Variants in TRAPPC9 observed in about 807,000 individuals in gnomAD.
TRAPPC9 encodes the protein IKK2 binding protein.
Under a neutral mutation model 124.0 loss-of-function variants are expected in TRAPPC9, and 83 were observed. The ratio of observed to expected loss-of-function variants is 0.67; its 90% CI spans 0.56 to 0.80. The LOEUF (loss-of-function observed/expected upper bound fraction) is 0.80. TRAPPC9 is among the 30% of genes least tolerant of loss of function. The pLI is 0.00. For missense variants in TRAPPC9, 1,302 were observed against 1,508.3 expected (o/e 0.86, Z 2.27); for synonymous variants, 638 against 617.5 (o/e 1.03, Z -0.49).
At chr8:139,909,373 C>T (rs769013978) in intron 20 of TRAPPC9, among the ~76,000 whole-genome samples, 1 of 152,186 alleles carries the variant, frequency 6.6e-6, no homozygotes, top group Non-Finnish European at 1.5e-5. Context: ...TGCCCCCACC[C>T]AGTGGCCTCT....
At chr8:140,317,946 C>A (rs2066483634) in intron 9 of TRAPPC9, among the ~76,000 whole-genome samples, 1 of 152,076 alleles carries the variant, frequency 6.6e-6, no homozygotes, top group Non-Finnish European at 1.5e-5. Flanking sequence ...CAACCCTGGA[C>A]ATTTGATTAT....
intron 17 of TRAPPC9, among the ~76,000 whole-genome samples, chr8:140,029,065 A>C (rs573466138): frequency 6.6e-6 from 1 of 152,348 alleles, no homozygotes; most frequent in Admixed American, 6.5e-5. Flanking sequence ...ACAACCATTA[A>C]AAGGACAATC....
intron 10 of TRAPPC9, among the ~76,000 whole-genome samples, chr8:140,304,493 C>CT (rs1330981879): frequency 6.6e-6 from 1 of 152,070 alleles, no homozygotes; most frequent in African/African-American, 2.4e-5. Context: ...GATTTGTTTC[C>CT]TAAGGAAGCA....
At chr8:139,973,555 G>A (rs142988485) in intron 19 of TRAPPC9, among the ~76,000 whole-genome samples, 2,663 of 152,318 alleles carry the variant, frequency 0.017, 35 homozygotes, top group Middle Eastern at 0.041. Flanking sequence ...CCACTGCTAA[G>A]AGAAGAGGGA....
chr8:140,042,200 A>AGTGTGTGTGT (rs1375063495), intron 17 of TRAPPC9, among the ~76,000 whole-genome samples: 17 of 90,932 alleles, frequency 1.9e-4, no homozygotes, highest in African/African-American at 7.8e-4. Flanking sequence ...AGCCCAAAAA[A>AGTGTGTGTGT]GTGTATGTGT....
chr8:140,053,371 A>T (rs2132098372), intron 17 of TRAPPC9, among the ~76,000 whole-genome samples: 1 of 152,346 alleles, frequency 6.6e-6, no homozygotes, highest in Admixed American at 6.5e-5. Flanking sequence ...TGAATTTTCC[A>T]GTTTTCCTTG....
intron 19 of TRAPPC9, among the ~76,000 whole-genome samples, chr8:139,915,467 G>A (rs1205462290): frequency 1.3e-5 from 2 of 152,086 alleles, no homozygotes; most frequent in Non-Finnish European, 2.9e-5. Context: ...GGCTGGTCTC[G>A]AACTCCTGAC....
intron 17 of TRAPPC9, among the ~76,000 whole-genome samples, chr8:140,159,250 T>C (rs2061704930): frequency 6.6e-6 from 1 of 152,226 alleles, no homozygotes; most frequent in African/African-American, 2.4e-5. Flanking sequence ...CTAAATCTAT[T>C]ACCACATTTA....
intron 7 of TRAPPC9, among the ~76,000 whole-genome samples, chr8:140,375,065 C>A (rs932627401): frequency 2.0e-5 from 3 of 152,108 alleles, no homozygotes; most frequent in Non-Finnish European, 4.4e-5. Flanking sequence ...AAGCCATGAG[C>A]CCAGAGAGCC....
At chr8:139,756,253 C>G (rs1484390926) in intron 21 of TRAPPC9, among the ~76,000 whole-genome samples, 1 of 131,702 alleles carries the variant, frequency 7.6e-6, no homozygotes, top group Non-Finnish European at 1.6e-5. Flanking sequence ...ATGAGGACAG[C>G]AGGTCGCAGT....
intron 17 of TRAPPC9, among the ~76,000 whole-genome samples, chr8:140,219,582 G>A (rs367702896): frequency 4.5e-4 from 69 of 152,114 alleles, no homozygotes; most frequent in African/African-American, 1.4e-3. Context: ...TACCTTCCAC[G>A]ACCCCCTTAT....
rs375016337 is a variant in TRAPPC9 at position 139,994,520 on chromosome 8, G to A, written c.2700-5684C>T. Among the ~76,000 whole-genome samples, 16 of 152,320 alleles carry A rather than the reference G, an allele frequency of 1.1e-4. 1 individual carries two copies. In the South Asian group the frequency reaches 1.4e-3, roughly 14 times the overall value. On this transcript the variant is annotated intron_variant, in intron 18 of 22. Coordinates refer to ENST00000438773, the MANE Select transcript of TRAPPC9 (RefSeq NM_001160372.4). ...CCAGAAAGCAAGAGATGCTCACGAC[G>A]GCTATGGTAAGGTGCTGTCAGGTGA...
intron 17 of TRAPPC9, among the ~76,000 whole-genome samples, chr8:140,195,415 T>TAC (rs2062625407): frequency 1.3e-5 from 2 of 148,458 alleles, no homozygotes; most frequent in Non-Finnish European, 3.0e-5. Flanking sequence ...ACAGATCGCA[T>TAC]CTGTGACACT....
chr8:140,060,668 C>T (rs554340870), intron 17 of TRAPPC9, among the ~76,000 whole-genome samples: 2 of 152,146 alleles, frequency 1.3e-5, no homozygotes, highest in South Asian at 4.2e-4. Context: ...GCTTCTCTGC[C>T]CTCAGAGACC....
intron 19 of TRAPPC9, among the ~76,000 whole-genome samples, chr8:139,918,543 G>A (rs543922152): frequency 9.3e-4 from 141 of 152,306 alleles, no homozygotes; most frequent in African/African-American, 3.3e-3. Flanking sequence ...GCCCTCCCCG[G>A]CCCTCCCACC....
At chr8:140,297,732 C>T (rs930530567) in intron 11 of TRAPPC9, among the ~76,000 whole-genome samples, 3 of 152,318 alleles carry the variant, frequency 2.0e-5, no homozygotes, top group South Asian at 2.1e-4. Context: ...ATTGTTCATT[C>T]GAGTTCAACG....
intron 16 of TRAPPC9, among the ~76,000 whole-genome samples, chr8:140,230,918 T>C (rs1230374165): frequency 6.6e-6 from 1 of 152,212 alleles, no homozygotes; most frequent in Non-Finnish European, 1.5e-5. Context: ...GTGGAAACTG[T>C]GGCTGGGGCT....
At chr8:139,990,490 T>C (rs1486643666) in intron 18 of TRAPPC9, among the ~76,000 whole-genome samples, 1 of 152,166 alleles carries the variant, frequency 6.6e-6, no homozygotes, top group Non-Finnish European at 1.5e-5. Flanking sequence ...CAAGTAGGAC[T>C]TTGTCAAAAG....
intron 9 of TRAPPC9, among the ~76,000 whole-genome samples, chr8:140,313,403 C>T (rs868446229): frequency 1.2e-4 from 18 of 152,194 alleles, no homozygotes; most frequent in Admixed American, 1.3e-4. Context: ...GTGTATCACT[C>T]GGCTAAGCTC....
Sources: allele counts gnomAD v4.1 joint callset (sites outside exome capture counted in the v4.1 genomes callset), GRCh38; gene constraint gnomAD v4.1.1; transcripts MANE v1.5; gene names NCBI Gene and HGNC (gene_info 2026-07-23, HGNC 2026-07-21).